CLMP: variants seen among roughly 807,000 people sequenced by gnomAD.
CLMP encodes CXADR like cell adhesion molecule, also known as CXADR-like membrane protein.
Under a neutral mutation model 45.2 loss-of-function variants are expected in CLMP, and 27 were observed. The observed-to-expected ratio is 0.60, with a 90% CI of 0.44 to 0.82. CLMP has a LOEUF of 0.82. Ranked by LOEUF, CLMP falls within the 40% of genes least tolerant of loss-of-function variation. The pLI is 0.00. For synonymous variants in CLMP, 167 were observed against 171.4 expected, an observed-to-expected ratio of 0.97 and a Z score of 0.20; for missense variants, 403 against 448.4, an observed-to-expected ratio of 0.90 and a Z score of 0.91.
chr11:123,096,429 C>A (rs188766391), intron 2 of CLMP, among the ~76,000 whole-genome samples: 1 of 152,076 alleles, frequency 6.6e-6, no homozygotes, highest in African/African-American at 2.4e-5. Context: ...GAGGCTGAAG[C>A]GGGAGAATCG....
chr11:123,151,884 G>C (rs11219032), intron 1 of CLMP, among the ~76,000 whole-genome samples: 1 of 152,062 alleles, frequency 6.6e-6, no homozygotes, highest in Non-Finnish European at 1.5e-5. Context: ...TCTAGTTCTA[G>C]TACCACTCCC....
At chr11:123,106,381 A>AGG (rs1860549852) in intron 1 of CLMP, among the ~76,000 whole-genome samples, 2 of 111,910 alleles carry the variant, frequency 1.8e-5, no homozygotes, top group Admixed American at 9.5e-5. Context: ...ATTCTGTAGG[A>AGG]GGTGTGTGTG....
In CLMP at chr11:123,195,088, C is replaced by T; in HGVS notation, c.-148G>A. Reference sequence around the variant, plus strand: ...CAGCCATGTGCCGGGCGGGAGCCGGCCCCGCGCCCCGTGCCCCTGGGGGCA... The same window carrying T: ...CAGCCATGTGCCGGGCGGGAGCCGGTCCCGCGCCCCGTGCCCCTGGGGGCA... On this transcript the variant is annotated 5_prime_UTR_variant, in exon 1 of 7. Coordinates refer to ENST00000448775, the MANE Select transcript of CLMP (RefSeq NM_024769.5). 1 of 546,482 alleles carries T rather than the reference C, an allele frequency of 1.8e-6. No homozygotes were observed. Among genetic ancestry groups the T allele is most frequent in the Non-Finnish European group, 2.7e-6 (1 of 371,172 alleles). The allele number at this position is 546,482 out of a possible 1,614,324, so 33.9% of individuals were successfully genotyped here.
At chr11:123,127,974 T>C (rs910311781) in intron 1 of CLMP, among the ~76,000 whole-genome samples, 1 of 148,418 alleles carries the variant, frequency 6.7e-6, no homozygotes, top group African/African-American at 2.5e-5. Flanking sequence ...GAGGCAAAGG[T>C]TGCAGTAAGC....
intron 1 of CLMP, among the ~76,000 whole-genome samples, chr11:123,178,663 G>A (rs984816165): frequency 1.3e-5 from 2 of 152,222 alleles, no homozygotes; most frequent in Non-Finnish European, 2.9e-5. Flanking sequence ...TAAAGGGATA[G>A]GAGTGTTACA....
At chr11:123,150,534 A>AGGAAAG (rs755274349) in intron 1 of CLMP, among the ~76,000 whole-genome samples, 3 of 116,332 alleles carry the variant, frequency 2.6e-5, no homozygotes, top group African/African-American at 1.1e-4. Flanking sequence ...GAAGGAAAGA[A>AGGAAAG]ACAAGCAAGG....
chr11:123,090,387 A>G (rs1341630977), intron 2 of CLMP, among the ~76,000 whole-genome samples: 4 of 151,334 alleles, frequency 2.6e-5, no homozygotes, highest in African/African-American at 9.7e-5. Context: ...GTGTCACTGC[A>G]CTCCAACCTG....
At chr11:123,073,837 C>T in intron 6 of CLMP, 63 bp from the exon 7 acceptor site, 1 of 1,501,676 alleles carries the variant, frequency 6.7e-7, no homozygotes, top group South Asian at 1.3e-5. Context: ...AGTATGATTG[C>T]TTCCTTCTGA....
intron 1 of CLMP, among the ~76,000 whole-genome samples, chr11:123,142,236 T>C (rs545823160): frequency 1.8e-4 from 27 of 152,248 alleles, no homozygotes; most frequent in African/African-American, 6.3e-4. Flanking sequence ...TCCTCCTGCC[T>C]CGGCCTCCCA....
At chr11:123,116,840 A>G (rs1442718586) in intron 1 of CLMP, among the ~76,000 whole-genome samples, 3 of 152,170 alleles carry the variant, frequency 2.0e-5, no homozygotes, top group Non-Finnish European at 1.5e-5. Flanking sequence ...TTTGAGTTTT[A>G]TTATGCAGAA....
chr11:123,107,302 C>T (rs111323421), intron 1 of CLMP, among the ~76,000 whole-genome samples: 8,508 of 151,920 alleles, frequency 0.056, 281 homozygotes, highest in African/African-American at 0.085. Context: ...GTGATCTCAG[C>T]TCACCGAAAC....
chr11:123,150,416 TAAGAAAGAAAGAAAGAAAGAAAGA>T (rs1166159977), intron 1 of CLMP, among the ~76,000 whole-genome samples: 44 of 30,932 alleles, frequency 1.4e-3, no homozygotes, highest in Non-Finnish European at 2.0e-3. Flanking sequence ...GGAAGGAAGG[TAAGAAAGAAAGAAAGAAAGAAAGA>T]AAGAAAGAAA....
Position 123,100,997 on chromosome 11 carries a change from G to A in CLMP, c.29-3045C>T, listed in dbSNP as rs191710633. ...GCAGAAATACCTTGGGGAACAAGTGGGCTCTTACAAGGAGTTCCTGCCTCC... is the reference window on the plus strand; with the variant it reads ...GCAGAAATACCTTGGGGAACAAGTGAGCTCTTACAAGGAGTTCCTGCCTCC... On this transcript the variant is annotated intron_variant, in intron 1 of 6. Coordinates refer to ENST00000448775, the MANE Select transcript of CLMP (RefSeq NM_024769.5). Among the ~76,000 whole-genome samples the A allele has an allele frequency of 2.2e-3, 338 of 152,064 alleles. 4 individuals are homozygous for A. The highest frequency in any genetic ancestry group is 0.017 in the Middle Eastern group (5 of 294).
At chr11:123,075,348 A>C (rs1049898989) in intron 5 of CLMP, among the ~76,000 whole-genome samples, 9 of 151,996 alleles carry the variant, frequency 5.9e-5, no homozygotes, top group Non-Finnish European at 1.3e-4. Context: ...GTAGTTACTG[A>C]ATCACAGACT....
intron 1 of CLMP, among the ~76,000 whole-genome samples, chr11:123,125,432 T>A (rs1860874286): frequency 6.8e-6 from 1 of 147,582 alleles, no homozygotes. Flanking sequence ...GGGGCCACGT[T>A]CCCCAGCACT....
At chr11:123,194,157 T>A (rs908476093) in intron 1 of CLMP, among the ~76,000 whole-genome samples, 1 of 152,030 alleles carries the variant, frequency 6.6e-6, no homozygotes, top group African/African-American at 2.4e-5. Context: ...GAGTCCTGCC[T>A]GGGGGACCCC....
intron 1 of CLMP, among the ~76,000 whole-genome samples, chr11:123,174,803 A>G (rs1861677367): frequency 6.6e-6 from 1 of 152,132 alleles, no homozygotes; most frequent in African/African-American, 2.4e-5. Flanking sequence ...TTAATTCATC[A>G]CCCTGTTACT....
At chr11:123,185,011 G>A (rs1157735255) in intron 1 of CLMP, among the ~76,000 whole-genome samples, 1 of 152,196 alleles carries the variant, frequency 6.6e-6, no homozygotes, top group East Asian at 1.9e-4. Flanking sequence ...GGCGAGCACA[G>A]CTCTGTGTCT....
chr11:123,104,736 G>C (rs557079201), intron 1 of CLMP, among the ~76,000 whole-genome samples: 8 of 152,162 alleles, frequency 5.3e-5, no homozygotes, highest in Non-Finnish European at 8.8e-5. Flanking sequence ...TGCTGAGCTT[G>C]TCTGCCATCT....
Sources: gnomAD v4.1 joint callset for allele counts (sites outside exome capture counted in the v4.1 genomes callset) on GRCh38, gnomAD v4.1.1 for gene constraint, MANE v1.5 for transcripts, NCBI Gene and HGNC (gene_info 2026-07-23, HGNC 2026-07-21) for gene names.